ARMC10: variants seen among roughly 807,000 people sequenced by gnomAD.
ARMC10 encodes armadillo repeat-containing protein 10.
ARMC10 carries 23 observed loss-of-function variants against 30.2 expected under a neutral mutation model. The observed-to-expected ratio is 0.76, with a 90% CI of 0.55 to 1.08. ARMC10 has a LOEUF of 1.08. Ranked by LOEUF, ARMC10 falls within the 50% of genes least tolerant of loss-of-function variation. The pLI, the probability that ARMC10 is intolerant of heterozygous loss-of-function variation, is 0.00. For synonymous variants in ARMC10, 111 were observed against 164.4 expected, an observed-to-expected ratio of 0.68 and a Z score of 2.48; for missense variants, 303 against 413.7, an observed-to-expected ratio of 0.73 and a Z score of 2.32.
intron 3 of ARMC10, 172 bp downstream of exon 3, chr7:103,084,002 A>T (rs2129521601): frequency 6.6e-7 from 1 of 1,507,824 alleles, no homozygotes; most frequent in East Asian, 2.5e-5. Context: ...ACAGCCTAAT[A>T]GTGATATGAT....
intron 2 of ARMC10, among the ~76,000 whole-genome samples, chr7:103,079,462 G>A (rs1368387812): frequency 2.6e-5 from 4 of 152,192 alleles, no homozygotes; most frequent in African/African-American, 9.6e-5. Context: ...GTATTTAATA[G>A]ACACACTAGT....
At chr7:103,085,007 G>T (rs576829485) in intron 3 of ARMC10, among the ~76,000 whole-genome samples, 1 of 152,282 alleles carries the variant, frequency 6.6e-6, no homozygotes, top group South Asian at 2.1e-4. Flanking sequence ...AGCAGGGACC[G>T]TGTGGGACAG....
At chr7:103,083,108 A>G in intron 2 of ARMC10, 1 of 456,712 alleles carries the variant, frequency 2.2e-6, no homozygotes, top group Non-Finnish European at 4.4e-6. Flanking sequence ...TTAAAAGGAG[A>G]AGCAAAATGT....
intron 5 of ARMC10, among the ~76,000 whole-genome samples, chr7:103,094,058 G>T (rs188829916): frequency 3.9e-5 from 6 of 152,320 alleles, no homozygotes; most frequent in Non-Finnish European, 8.8e-5. Flanking sequence ...ACTTGCAAAT[G>T]AACTTTTGGA....
At chr7:103,096,881 C>A (rs1228553763) in intron 5 of ARMC10, 2 of 201,758 alleles carry the variant, frequency 9.9e-6, no homozygotes, top group African/African-American at 4.6e-5. Flanking sequence ...AAGACATTTG[C>A]AATATTCTAT....
At chr7:103,077,680 G>A (rs1385859754) in intron 2 of ARMC10, among the ~76,000 whole-genome samples, 1 of 152,178 alleles carries the variant, frequency 6.6e-6, no homozygotes, top group Non-Finnish European at 1.5e-5. Context: ...TTTCGCAGGA[G>A]ACATTCAAAT....
chr7:103,099,465 C>CT lies in ARMC10; in HGVS notation c.*913dup, dbSNP rs1252830036. On this transcript the variant is annotated 3_prime_UTR_variant, in exon 7 of 7. Transcript: ENST00000323716. ...CAGCCTGGGCAACAAGAGCAAAACT[C>CT]TGTCTCAAAAAAAAAAAAAAATGAT... is the stretch of plus-strand genomic sequence containing the variant. 5 of 143,786 alleles carry CT rather than the reference C, an allele frequency of 3.5e-5. No homozygotes were observed. The East Asian group carries it at 1.0e-3, about 29-fold the overall frequency. The allele number at this position is 143,786 out of a possible 1,614,324, so 8.9% of individuals were successfully genotyped here.
At chr7:103,081,126 C>T (rs533669600) in intron 2 of ARMC10, among the ~76,000 whole-genome samples, 1 of 152,296 alleles carries the variant, frequency 6.6e-6, no homozygotes, top group East Asian at 1.9e-4. Context: ...TCCCACTTAG[C>T]AGATGAGTAA....
chr7:103,098,195 T>A, intron 6 of ARMC10, 104 bp from the exon 7 acceptor site: 1 of 1,150,044 alleles, frequency 8.7e-7, no homozygotes, highest in Non-Finnish European at 1.1e-6. Flanking sequence ...TTTAAAAATT[T>A]TAAAATGTGA....
At chr7:103,083,936 C>G in intron 3 of ARMC10, 106 bp downstream of exon 3, 7 of 1,492,456 alleles carry the variant, frequency 4.7e-6, no homozygotes, top group Non-Finnish European at 6.4e-6. Context: ...ATTTCCTCAT[C>G]TGTGCAATGT....
rs967404263 is a variant in ARMC10 at position 103,075,912 on chromosome 7, T to C, written c.244+31T>C. 5 of 1,476,876 alleles carry C rather than the reference T, an allele frequency of 3.4e-6. No individual in the cohort carries two copies. In the Admixed American group the frequency reaches 6.4e-5, roughly 19 times the overall value. 91.5% of individuals were successfully genotyped at this position (1,476,876 alleles called of 1,614,324 possible). A position where few individuals can be genotyped will look rare whatever the true frequency, so the allele number is the denominator to read the frequency against. On this transcript the variant is annotated intron_variant, in intron 2 of 6. Transcript: ENST00000323716. The stretch of plus-strand genomic sequence containing the variant: ...TGTTTTGGAAATGGGAACAGTTGTC[T>C]GCGCGAGACACACCCTCCCAGCGGA...
rs2298855 is a variant in ARMC10, at chr7:103,088,862, G to C, written c.528+2098G>C. On this transcript the variant is annotated intron_variant, in intron 4 of 6. Coordinates refer to ENST00000323716, the MANE Select transcript of ARMC10 (RefSeq NM_031905.5). ...AAATAGAGTAACGACAATTTTACTA[G>C]ACTCTTTTGCCATAGTGTCCCATGG... 5.0e-3 allele frequency: 783 copies of C among 155,820 alleles called. 22 individuals carry two copies. In the East Asian group the frequency reaches 0.051, roughly 10 times the overall value. 9.7% of individuals were successfully genotyped at this position (155,820 alleles called of 1,614,324 possible).
intron 3 of ARMC10, among the ~76,000 whole-genome samples, chr7:103,084,797 A>C (rs1381862664): frequency 2.0e-5 from 3 of 152,144 alleles, no homozygotes; most frequent in Non-Finnish European, 2.9e-5. Context: ...TAGCCTCTCT[A>C]AGCCTTCATC....
intron 5 of ARMC10, 54 bp from the exon 6 acceptor site, chr7:103,097,223 G>A: frequency 2.1e-6 from 3 of 1,436,566 alleles, no homozygotes; most frequent in Non-Finnish European, 2.9e-6. Flanking sequence ...GCATGCCTGA[G>A]AGAGAAAATT....
At chr7:103,084,735 T>C (rs1800683759) in intron 3 of ARMC10, among the ~76,000 whole-genome samples, 1 of 152,232 alleles carries the variant, frequency 6.6e-6, no homozygotes, top group Non-Finnish European at 1.5e-5. Context: ...TATTGGTCTT[T>C]ATCTTTCTGG....
At chr7:103,083,505 G>A (rs1446305654) in intron 2 of ARMC10, among the ~76,000 whole-genome samples, 177 bp from the exon 3 acceptor site, 1 of 152,094 alleles carries the variant, frequency 6.6e-6, no homozygotes, top group East Asian at 1.9e-4. Flanking sequence ...TAGGACCACA[G>A]GTCCTACCTA....
At chr7:103,096,049 C>T (rs1563332050) in intron 5 of ARMC10, 1 of 152,072 alleles carries the variant, frequency 6.6e-6, no homozygotes, top group Admixed American at 6.5e-5. Context: ...CTAACCTGCA[C>T]ATTGTGCACA....
chr7:103,097,347 AAG>A lies in ARMC10; in HGVS notation c.777_777+1del. On this transcript the variant is annotated splice_donor_variant and coding_sequence_variant, in exon 6 of 7. Coordinates refer to ENST00000323716, the MANE Select transcript of ARMC10 (RefSeq NM_031905.5). LOFTEE classifies it high-confidence loss of function. Reference sequence around the variant, plus strand: ...ATGACAGAAGGACTTCTCCGTGCCCAAGTAAATAGCTTATATATTTATTTTGT... The same window carrying A: ...ATGACAGAAGGACTTCTCCGTGCCCATAAATAGCTTATATATTTATTTTGT... 1 of 1,602,532 alleles carries A rather than the reference AAG, an allele frequency of 6.2e-7. No individual in the cohort carries two copies. Among genetic ancestry groups the A allele is most frequent in the African/African-American group, 1.3e-5 (1 of 74,738 alleles).
intron 5 of ARMC10, chr7:103,096,168 TA>T (rs1390575703): frequency 6.6e-6 from 1 of 152,244 alleles, no homozygotes; most frequent in Admixed American, 6.5e-5. Context: ...GCTGATATTT[TA>T]GCTAGTCACC....
Sources: gnomAD v4.1 joint callset for allele counts (sites outside exome capture counted in the v4.1 genomes callset) on GRCh38, gnomAD v4.1.1 for gene constraint, MANE v1.5 for transcripts, NCBI Gene and HGNC (gene_info 2026-07-23, HGNC 2026-07-21) for gene names.